NANS: variants seen among roughly 807,000 people sequenced by gnomAD.
NANS encodes the protein N-acetylneuraminate synthase.
In NANS, 29 loss-of-function variants were observed where a neutral mutation model predicts 33.3. The ratio of observed to expected loss-of-function variants is 0.87; its 90% confidence interval spans 0.65 to 1.19. NANS has a LOEUF of 1.19. Ranked by LOEUF, NANS falls within the 50% of genes most tolerant of loss-of-function variation. The pLI is 0.00. For synonymous variants in NANS, 163 were observed against 177.2 expected (o/e 0.92, Z 0.64); for missense variants, 394 against 461.1 (o/e 0.85, Z 1.33).
At chr9:98,071,143 A>G (rs1404428259) in intron 2 of NANS, among the ~76,000 whole-genome samples, 1 of 152,218 alleles carries the variant, frequency 6.6e-6, no homozygotes, top group African/African-American at 2.4e-5. Context: ...TTGAAGATGA[A>G]AACATTTGGG....
intron 4 of NANS, among the ~76,000 whole-genome samples, chr9:98,080,200 C>T (rs1829791342): frequency 1.3e-5 from 2 of 152,152 alleles, no homozygotes; most frequent in Non-Finnish European, 2.9e-5. Context: ...GGTGACAGAG[C>T]AAGACTCTGT....
At chr9:98,065,512 TATTTTTA>T (rs1829119808) in intron 2 of NANS, among the ~76,000 whole-genome samples, 1 of 131,554 alleles carries the variant, frequency 7.6e-6, no homozygotes, top group East Asian at 2.2e-4. Context: ...TTTTTTTTTG[TATTTTTA>T]GTAGAGACGG....
At chr9:98,069,670 T>G (rs1315371451) in intron 2 of NANS, 1 of 152,260 alleles carries the variant, frequency 6.6e-6, no homozygotes, top group Non-Finnish European at 1.5e-5. Flanking sequence ...TACTGTACGA[T>G]TCTGCTTCCA....
intron 2 of NANS, among the ~76,000 whole-genome samples, chr9:98,064,075 A>G (rs1408968767): frequency 6.6e-6 from 1 of 152,198 alleles, no homozygotes; most frequent in South Asian, 2.1e-4. Flanking sequence ...AGAAGCACAC[A>G]TGCAGCTCAG....
chr9:98,063,497 C>G (rs1460382872), intron 2 of NANS, among the ~76,000 whole-genome samples: 1 of 152,100 alleles, frequency 6.6e-6, no homozygotes, highest in East Asian at 1.9e-4. Flanking sequence ...CTGCCTCAGC[C>G]TCCCAAAGTG....
chr9:98,060,670 C>CTAAATAAA, intron 1 of NANS, 112 bp from the exon 2 acceptor site: 1 of 1,064,750 alleles, frequency 9.4e-7, no homozygotes. Flanking sequence ...AACTCTGTCT[C>CTAAATAAA]TAAATAAATA....
At chr9:98,061,739 C>G (rs1193705012) in intron 2 of NANS, among the ~76,000 whole-genome samples, 1 of 150,580 alleles carries the variant, frequency 6.6e-6, no homozygotes, top group Non-Finnish European at 1.5e-5. Context: ...GAGATCGCGC[C>G]ACTGCACTCC....
intron 2 of NANS, among the ~76,000 whole-genome samples, chr9:98,073,271 C>CTT (rs10606237): frequency 0.013 from 748 of 57,838 alleles, 129 homozygotes; most frequent in East Asian, 0.064. Flanking sequence ...TCACCATGGG[C>CTT]TTTTTTTTTT....
intron 2 of NANS, chr9:98,069,749 G>T (rs1829256476): frequency 6.6e-6 from 1 of 152,280 alleles, no homozygotes; most frequent in South Asian, 2.1e-4. Flanking sequence ...GTTAGTAAGG[G>T]GAAGGGGATG....
intron 1 of NANS, among the ~76,000 whole-genome samples, chr9:98,058,226 C>A (rs760679975): frequency 6.6e-6 from 1 of 152,042 alleles, no homozygotes; most frequent in Non-Finnish European, 1.5e-5. Context: ...CCTTGCTGTT[C>A]CTTCGGGACT....
At position 98,072,931 on chromosome 9, in the gene NANS, G is replaced by A. The variant is rs116912681; in HGVS notation, c.349-3987G>A. Among the ~76,000 whole-genome samples the A allele has an allele frequency of 6.7e-3, 1,017 of 152,312 alleles. 7 individuals are homozygous for A. Among genetic ancestry groups the A allele is most frequent in the Middle Eastern group, 0.014 (4 of 294 alleles). On this transcript the variant is annotated intron_variant, in intron 2 of 5. Transcript: ENST00000210444. The stretch of plus-strand genomic sequence containing the variant: ...CTCTGTGTGCTGAGGAAAGGTTAAG[G>A]TGTGGCAGAATTTTATTAAGGCCAA...
Position 98,056,787 on chromosome 9 carries a change from C to T in NANS, c.-22C>T, listed in dbSNP as rs755256468. 2.5e-6 allele frequency: 4 copies of T among 1,604,410 alleles called. No individual in the cohort carries two copies. In the East Asian group the frequency reaches 6.7e-5, roughly 27 times the overall value. On this transcript the variant is annotated 5_prime_UTR_variant, in exon 1 of 6. Coordinates refer to ENST00000210444, the MANE Select transcript of NANS (RefSeq NM_018946.4). ...GGCCGGACCCAGACTGGTAGTGAGG[C>T]TTTGGACCCCGAGCCGCTGCAATGC...
chr9:98,066,087 T>C (rs772648266), intron 2 of NANS, among the ~76,000 whole-genome samples: 25 of 152,216 alleles, frequency 1.6e-4, no homozygotes, highest in Admixed American at 7.2e-4. Context: ...CCATAGTTGC[T>C]TCCCCAGGAC....
At chr9:98,070,915 G>A (rs750921894) in intron 2 of NANS, among the ~76,000 whole-genome samples, 42 of 151,332 alleles carry the variant, frequency 2.8e-4, no homozygotes, top group Admixed American at 5.3e-4. Flanking sequence ...AGGCTCAAGC[G>A]ATCCTCCCAC....
intron 1 of NANS, among the ~76,000 whole-genome samples, chr9:98,057,226 C>T (rs1290866716): frequency 2.0e-5 from 3 of 152,252 alleles, no homozygotes; most frequent in Non-Finnish European, 4.4e-5. Flanking sequence ...ACCATCCCCC[C>T]TGCCTGGCAC....
Position 98,082,829 on chromosome 9 carries a change from G to T in NANS, c.871-17G>T. 1.9e-6 allele frequency: 3 copies of T among 1,612,638 alleles called. No individual in the cohort carries two copies. Among genetic ancestry groups the T allele is most frequent in the Non-Finnish European group, 2.5e-6 (3 of 1,179,084 alleles). ...TACTTCTGTGAAGCTGGCACTGAAT[G>T]TTCATTTTGTCCACAGCTGGGCAAG... On this transcript the variant is annotated splice_polypyrimidine_tract_variant and intron_variant, in intron 5 of 5. Coordinates refer to ENST00000210444, the MANE Select transcript of NANS (RefSeq NM_018946.4).
At chr9:98,079,284 C>T (rs758710472) in intron 4 of NANS, among the ~76,000 whole-genome samples, 6 of 152,226 alleles carry the variant, frequency 3.9e-5, no homozygotes, top group East Asian at 3.9e-4. Context: ...TAACTTTATT[C>T]GAAAATATGT....
intron 2 of NANS, among the ~76,000 whole-genome samples, chr9:98,061,855 A>G (rs1206274232): frequency 2.0e-5 from 3 of 151,970 alleles, no homozygotes; most frequent in Non-Finnish European, 4.4e-5. Context: ...GGTCAGCCAC[A>G]CTGGAATCCC....
At chr9:98,064,898 T>C (rs990298945) in intron 2 of NANS, among the ~76,000 whole-genome samples, 6 of 152,192 alleles carry the variant, frequency 3.9e-5, no homozygotes, top group African/African-American at 1.4e-4. Flanking sequence ...GGAGAGTCTC[T>C]GGGCCCAAGA....
Sources: gnomAD v4.1 joint callset for allele counts (sites outside exome capture counted in the v4.1 genomes callset) on GRCh38, gnomAD v4.1.1 for gene constraint, MANE v1.5 for transcripts, NCBI Gene and HGNC (gene_info 2026-07-23, HGNC 2026-07-21) for gene names.